The following E2F3 variants were observed in gnomAD, a reference collection of about 807,000 sequenced individuals.
E2F3 encodes the protein E2F transcription factor 3.
Under a neutral mutation model 44.4 loss-of-function variants are expected in E2F3, and 11 were observed. The observed-to-expected ratio is 0.25, with a 90% confidence interval of 0.16 to 0.41. The LOEUF (loss-of-function observed/expected upper bound fraction) is 0.41, where lower values mean the gene tolerates loss of function less well. Among genes scored for constraint, E2F3 ranks in the 10% least tolerant of loss-of-function variants. The pLI, the probability that E2F3 is intolerant of heterozygous loss-of-function variation, is 1.00. For missense variants in E2F3, 487 were observed against 583.6 expected (o/e 0.83, Z 1.70); for synonymous variants, 249 against 253.0 (o/e 0.98, Z 0.15).
chr6:20,431,332 G>A (rs759447580), intron 1 of E2F3, among the ~76,000 whole-genome samples: 8 of 152,172 alleles, frequency 5.3e-5, no homozygotes, highest in Non-Finnish European at 1.2e-4. Context: ...TGCATCAACG[G>A]TGATCTGCTG....
intron 1 of E2F3, among the ~76,000 whole-genome samples, chr6:20,457,144 G>A (rs539689379): frequency 2.0e-5 from 3 of 151,882 alleles, no homozygotes; most frequent in African/African-American, 7.2e-5. Flanking sequence ...GACTTGTCAG[G>A]TTCAGCTAGT....
chr6:20,432,325 C>A (rs760953042), intron 1 of E2F3, among the ~76,000 whole-genome samples: 3 of 152,236 alleles, frequency 2.0e-5, no homozygotes. Flanking sequence ...TCGTTGGCCA[C>A]CTCCTTTTAG....
rs956491973 is a variant in E2F3, at chr6:20,402,832, G to T, written c.393+207G>T. ...GGTCGGGGGGCTCGGCCAGGCGCGC[G>T]GGGCGGCGGGGATTGCCTTGGCGCG... On this transcript the variant is annotated intron_variant, in intron 1 of 6. Transcript: ENST00000346618. The surrounding 1 kb of genome is among the most constrained non-coding windows in gnomAD (Gnocchi z 5.6). Among the ~76,000 whole-genome samples the T allele has an allele frequency of 6.6e-6, 1 of 152,142 alleles. No individual in the cohort carries two copies. The highest frequency in any genetic ancestry group is 1.5e-5 in the Non-Finnish European group (1 of 68,022).
Position 20,402,337 on chromosome 6 carries a change from A to G in E2F3, c.105A>G (p.Lys35=), listed in dbSNP as rs1344633777. 1 of 1,609,134 alleles carries G rather than the reference A, an allele frequency of 6.2e-7. No homozygotes were observed. Among genetic ancestry groups the G allele is most frequent in the Non-Finnish European group, 8.5e-7 (1 of 1,178,612 alleles). The part of the protein sequence containing the change: ...VAAAAAASMD[K]RALLASPGFA... ...CCGCCGCTGCAGCCTCCATGGACAA[A>G]AGGGCACTGCTAGCCAGCCCCGGCT... Residue 35 remains lysine (K), a synonymous_variant, in exon 1 of 7, where the codon AAA becomes AAG. Transcript: ENST00000346618. The surrounding 1 kb of genome is among the most constrained non-coding windows in gnomAD (Gnocchi z 5.6).
chr6:20,482,145 C>G (rs936100641), intron 3 of E2F3, among the ~76,000 whole-genome samples: 1 of 151,982 alleles, frequency 6.6e-6, no homozygotes, highest in South Asian at 2.1e-4. Context: ...CCTTTTTTTG[C>G]ACATTTTGGA....
chr6:20,447,348 G>A (rs1760981554), intron 1 of E2F3, among the ~76,000 whole-genome samples: 1 of 151,960 alleles, frequency 6.6e-6, no homozygotes, highest in Non-Finnish European at 1.5e-5. Flanking sequence ...ATGAGAGAGA[G>A]AGAGAGAGAA....
chr6:20,414,287 A>G (rs1050908818), intron 1 of E2F3, among the ~76,000 whole-genome samples: 2 of 152,194 alleles, frequency 1.3e-5, no homozygotes, highest in Non-Finnish European at 1.5e-5. Flanking sequence ...GAGACGAGCC[A>G]TCAGATGTTA....
At chr6:20,403,682 G>C in intron 1 of E2F3, 5 of 432,914 alleles carry the variant, frequency 1.2e-5, no homozygotes, top group Non-Finnish European at 2.1e-5. Flanking sequence ...CCCCGGCACC[G>C]CCACCCTCCC....
intron 1 of E2F3, among the ~76,000 whole-genome samples, chr6:20,409,225 A>G (rs1193450422): frequency 6.6e-6 from 1 of 152,208 alleles, no homozygotes; most frequent in African/African-American, 2.4e-5. Context: ...GCGCACATAA[A>G]GAAGTGTCCT....
At chr6:20,424,210 G>GGGGTGTGTGT (rs1554135916) in intron 1 of E2F3, among the ~76,000 whole-genome samples, 1 of 136,920 alleles carries the variant, frequency 7.3e-6, no homozygotes, top group Admixed American at 7.4e-5. Context: ...TCAGTGGAAG[G>GGGGTGTGTGT]GTGTGTGTGT....
intron 1 of E2F3, among the ~76,000 whole-genome samples, chr6:20,436,002 A>T (rs1228360338): frequency 1.4e-5 from 2 of 142,446 alleles, no homozygotes; most frequent in East Asian, 2.1e-4. Context: ...TTTTTCCAAG[A>T]CAGAGTCTCT....
At chr6:20,449,588 T>A (rs964261127) in intron 1 of E2F3, among the ~76,000 whole-genome samples, 1 of 152,174 alleles carries the variant, frequency 6.6e-6, no homozygotes, top group Non-Finnish European at 1.5e-5. Flanking sequence ...TATGTGCATA[T>A]GTATTTGTGA....
At chr6:20,417,762 G>A (rs1218891545) in intron 1 of E2F3, among the ~76,000 whole-genome samples, 2 of 152,000 alleles carry the variant, frequency 1.3e-5, no homozygotes, top group Non-Finnish European at 2.9e-5. Flanking sequence ...GGACGGTTTG[G>A]TAGTTCCTTT....
intron 1 of E2F3, among the ~76,000 whole-genome samples, chr6:20,411,365 A>G (rs1009360911): frequency 6.6e-6 from 1 of 152,016 alleles, no homozygotes; most frequent in African/African-American, 2.4e-5. Context: ...CTCCAGAGGC[A>G]ATGGAACCTG....
intron 1 of E2F3, among the ~76,000 whole-genome samples, chr6:20,435,208 G>C (rs1760534488): frequency 6.6e-6 from 1 of 152,096 alleles, no homozygotes; most frequent in African/African-American, 2.4e-5. Context: ...CAACTCCTGG[G>C]CTCAAGCAAT....
Position 20,485,800 on chromosome 6 carries a change from A to G in E2F3, c.885-889A>G, listed in dbSNP as rs73384664. Among the ~76,000 whole-genome samples the G allele has an allele frequency of 5.4e-3, 822 of 152,256 alleles. 7 individuals are homozygous for G. Among genetic ancestry groups the G allele is most frequent in the African/African-American group, 0.019 (794 of 41,548 alleles). On this transcript the variant is annotated intron_variant, in intron 4 of 6. Coordinates refer to ENST00000346618, the MANE Select transcript of E2F3 (RefSeq NM_001949.5). ...TTTCTGTAGGCAGTACATAATCACA[A>G]CCAGCCCAGGTGCACTTAAGAAAAC...
chr6:20,431,439 G>A (rs1435608819), intron 1 of E2F3, among the ~76,000 whole-genome samples: 8 of 152,156 alleles, frequency 5.3e-5, no homozygotes, highest in Non-Finnish European at 1.0e-4. Flanking sequence ...CCTGCCTCAG[G>A]TGCCAGGAGC....
At chr6:20,425,130 T>G (rs933131600) in intron 1 of E2F3, among the ~76,000 whole-genome samples, 4 of 152,234 alleles carry the variant, frequency 2.6e-5, no homozygotes, top group Non-Finnish European at 4.4e-5. Flanking sequence ...TTGAAAAATT[T>G]GGCTTTGCCA....
intron 1 of E2F3, among the ~76,000 whole-genome samples, chr6:20,424,674 CTG>C (rs1340510021): frequency 6.6e-6 from 1 of 151,512 alleles, no homozygotes; most frequent in Non-Finnish European, 1.5e-5. Flanking sequence ...CCCCCATCCA[CTG>C]TGAGTTTAGG....
Sources: gnomAD v4.1 joint callset for allele counts (sites outside exome capture counted in the v4.1 genomes callset) on GRCh38, gnomAD v4.1.1 for gene constraint, Gnocchi (gnomAD v3.1) non-coding constraint, MANE v1.5 for transcripts, NCBI Gene and HGNC (gene_info 2026-07-23, HGNC 2026-07-21) for gene names.